Variants in SYNGR1 observed in about 807,000 individuals in gnomAD.
The protein encoded by SYNGR1 is synaptogyrin 1.
A neutral mutation model predicts 26.1 loss-of-function variants in SYNGR1; 14 were observed. The ratio of observed to expected loss-of-function variants is 0.54; its 90% CI spans 0.35 to 0.84. SYNGR1 has a LOEUF of 0.84. Ranked by LOEUF, SYNGR1 falls within the 40% of genes least tolerant of loss-of-function variation. The pLI is 0.01. For missense variants in SYNGR1, 319 were observed against 332.9 expected, an observed-to-expected ratio of 0.96 and a Z score of 0.33; for synonymous variants, 141 against 150.1, an observed-to-expected ratio of 0.94 and a Z score of 0.44.
At chr22:39,353,976 G>A (rs5757628) in intron 1 of SYNGR1, among the ~76,000 whole-genome samples, 33,812 of 152,038 alleles carry the variant, frequency 0.22, 5,289 homozygotes, top group East Asian at 0.77. Flanking sequence ...TGATTCTCCT[G>A]CCTCAGCCTC....
At chr22:39,352,509 T>C (rs1487483580) in intron 1 of SYNGR1, among the ~76,000 whole-genome samples, 1 of 152,200 alleles carries the variant, frequency 6.6e-6, no homozygotes, top group African/African-American at 2.4e-5. Context: ...GTGGTAATCA[T>C]GTGATACCAC....
chr22:39,352,494 G>C (rs1246248963), intron 1 of SYNGR1, among the ~76,000 whole-genome samples: 2 of 152,158 alleles, frequency 1.3e-5, no homozygotes, highest in African/African-American at 2.4e-5. Flanking sequence ...AAAGTTTGGT[G>C]GGGGGTGGTA....
intron 1 of SYNGR1, among the ~76,000 whole-genome samples, chr22:39,363,251 G>T (rs939742046): frequency 1.3e-5 from 2 of 152,008 alleles, no homozygotes; most frequent in African/African-American, 4.8e-5. Flanking sequence ...CTGGGCAGGG[G>T]GCGGTGGGTG....
chr22:39,378,400 C>CATTCATTG, intron 3 of SYNGR1: 3 of 981,708 alleles, frequency 3.1e-6, no homozygotes, highest in Non-Finnish European at 3.6e-6. Flanking sequence ...TTCATTCATT[C>CATTCATTG]TTCTCTCCAG....
chr22:39,350,691 G>A lies in SYNGR1; in HGVS notation c.99+582G>A, dbSNP rs1349095843. Among the ~76,000 whole-genome samples, 4 of 152,212 alleles carry A rather than the reference G, an allele frequency of 2.6e-5. No individual in the cohort carries two copies. The highest frequency in any genetic ancestry group is 1.3e-4 in the Admixed American group (2 of 15,282). On this transcript the variant is annotated intron_variant, in intron 1 of 3. Coordinates refer to ENST00000328933, the MANE Select transcript of SYNGR1 (RefSeq NM_004711.5). This position sits in a 1 kb window ranked among gnomAD's most constrained non-coding sequence, Gnocchi z 4.3. The stretch of plus-strand genomic sequence containing the variant: ...CTCCTTCTCTGCGTGACCTTGGGCT[G>A]GGAGCCACCCAGGAAATGTTCTCGA...
Position 39,376,189 on chromosome 22 carries a change from T to C in SYNGR1, c.475T>C (p.Phe159Leu). Reference sequence around the variant, plus strand: ...CATCGCCTTCTCCTTTTTCTCCATCTTCACCTGGGTGAGTACAGCCACCGC... The same window carrying C: ...CATCGCCTTCTCCTTTTTCTCCATCCTCACCTGGGTGAGTACAGCCACCGC... Reference protein sequence around the residue: ...AAIAFSFFSIFTWAGQAVLAF... With the variant: ...AAIAFSFFSILTWAGQAVLAF... Residue 159 changes from phenylalanine to leucine, a missense_variant, in exon 3 of 4, where the codon TTC (phenylalanine) becomes CTC (leucine). Transcript: ENST00000328933. 1 of 1,614,124 alleles carries C rather than the reference T, an allele frequency of 6.2e-7. No individual in the cohort carries two copies. Among genetic ancestry groups the C allele is most frequent in the Admixed American group, 1.7e-5 (1 of 60,020 alleles).
chr22:39,359,972 G>T (rs546104112), intron 1 of SYNGR1, among the ~76,000 whole-genome samples: 50 of 152,160 alleles, frequency 3.3e-4, no homozygotes, highest in Admixed American at 3.3e-3. Flanking sequence ...CTTCCCCTGT[G>T]CACTGGCCCT....
In SYNGR1 at chr22:39,350,664, C is replaced by T. The variant is rs1923862791; in HGVS notation, c.99+555C>T. On this transcript the variant is annotated intron_variant, in intron 1 of 3. Coordinates refer to ENST00000328933, the MANE Select transcript of SYNGR1 (RefSeq NM_004711.5). This position sits in a 1 kb window ranked among gnomAD's most constrained non-coding sequence, Gnocchi z 4.3. ...TACCTCTCTTCCACCCGGGAACTGC[C>T]TCTCCTTCTCTGCGTGACCTTGGGC... Among the ~76,000 whole-genome samples, 1 of 152,190 alleles carries T rather than the reference C, an allele frequency of 6.6e-6. No homozygotes were observed. Among genetic ancestry groups the T allele is most frequent in the Admixed American group, 6.5e-5 (1 of 15,278 alleles).
intron 1 of SYNGR1, among the ~76,000 whole-genome samples, chr22:39,354,407 A>AT (rs2145605139): frequency 6.6e-6 from 1 of 152,270 alleles, no homozygotes; most frequent in Non-Finnish European, 1.5e-5. Flanking sequence ...TGGGCTCCAC[A>AT]TTCTGTGTAC....
At chr22:39,377,579 C>G in intron 3 of SYNGR1, 1 of 1,612,532 alleles carries the variant, frequency 6.2e-7, no homozygotes, top group Middle Eastern at 1.7e-4. Context: ...CTGGCCTCAC[C>G]CCTACTCTCT....
chr22:39,359,621 ACT>A (rs1304781960), intron 1 of SYNGR1, among the ~76,000 whole-genome samples: 1 of 108,192 alleles, frequency 9.2e-6, no homozygotes, highest in African/African-American at 3.9e-5. Context: ...ACAAAGTGAG[ACT>A]CTGTCTCAAA....
chr22:39,364,308 A>G (rs751499112), intron 1 of SYNGR1: 231 of 1,611,582 alleles, frequency 1.4e-4, no homozygotes, highest in Admixed American at 2.3e-4. Context: ...CAGGTTCCCC[A>G]TCTGCTGTGG....
In SYNGR1 at chr22:39,382,073, G is replaced by A. The variant is rs1214968432; in HGVS notation, c.*159G>A. On this transcript the variant is annotated 3_prime_UTR_variant, in exon 4 of 4. Transcript: ENST00000328933. Reference sequence around the variant, plus strand: ...CGGGGCAGGGGTGGGGCAGTCCAGTGTTGGGGACTGTCTACGTATGTGCAA... The same window carrying A: ...CGGGGCAGGGGTGGGGCAGTCCAGTATTGGGGACTGTCTACGTATGTGCAA... 23 of 751,262 alleles carry A rather than the reference G, an allele frequency of 3.1e-5. No homozygotes were observed. The highest frequency in any genetic ancestry group is 4.9e-5 in the Non-Finnish European group (22 of 447,562). 46.5% of individuals were successfully genotyped at this position (751,262 alleles called of 1,614,324 possible). A position where few individuals can be genotyped will look rare whatever the true frequency, so the allele number is the denominator to read the frequency against.
intron 1 of SYNGR1, among the ~76,000 whole-genome samples, chr22:39,362,825 C>CG (rs995055694): frequency 1.3e-5 from 2 of 151,844 alleles, no homozygotes; most frequent in Admixed American, 6.6e-5. Flanking sequence ...CTTTCTACCC[C>CG]CCGTGCTGCC....
At chr22:39,375,913 C>A in intron 2 of SYNGR1, 139 bp from the exon 3 acceptor site, 1 of 1,162,392 alleles carries the variant, frequency 8.6e-7, no homozygotes, top group Non-Finnish European at 1.3e-6. Context: ...CCCCCTTTGC[C>A]TGTCCCTTTG....
chr22:39,363,990 TA>T (rs1924613512), intron 1 of SYNGR1, among the ~76,000 whole-genome samples: 1 of 152,122 alleles, frequency 6.6e-6, no homozygotes, highest in East Asian at 1.9e-4. Flanking sequence ...CTGGCAGCGT[TA>T]CAGTGATCTC....
At position 39,376,074 on chromosome 22, in the gene SYNGR1, C is replaced by G; in HGVS notation, c.360C>G (p.Phe120Leu). 8 of 1,614,194 alleles carry G rather than the reference C, an allele frequency of 5.0e-6. No individual in the cohort carries two copies. Among genetic ancestry groups the G allele is most frequent in the Non-Finnish European group, 6.8e-6 (8 of 1,180,038 alleles). ...CAGCCTTCTGGGCTTTCCTCTGGTT[C>G]GTGGGATTCTGCTACCTGGCCAACC... is the stretch of plus-strand genomic sequence containing the variant. ...GVSAFWAFLWFVGFCYLANQW... is the reference protein window; with the variant it reads ...GVSAFWAFLWLVGFCYLANQW... Residue 120 changes from phenylalanine to leucine, a missense_variant, in exon 3 of 4, where the codon TTC becomes TTG. Transcript: ENST00000328933.
chr22:39,374,626 C>A (rs897488632), intron 2 of SYNGR1, 73 bp downstream of exon 2: 5 of 1,481,564 alleles, frequency 3.4e-6, no homozygotes, highest in Non-Finnish European at 4.7e-6. Context: ...AGGCGGCTGC[C>A]ACCCTTCTTC....
chr22:39,367,191 G>A (rs548827189), intron 1 of SYNGR1, among the ~76,000 whole-genome samples: 8 of 152,214 alleles, frequency 5.3e-5, no homozygotes, highest in Non-Finnish European at 8.8e-5. Flanking sequence ...GTTCCCAACT[G>A]TGTCCTCAGC....
Sources: gnomAD v4.1 joint callset for allele counts (sites outside exome capture counted in the v4.1 genomes callset) on GRCh38, gnomAD v4.1.1 for gene constraint, Gnocchi (gnomAD v3.1) non-coding constraint, MANE v1.5 for transcripts, NCBI Gene and HGNC (gene_info 2026-07-23, HGNC 2026-07-21) for gene names.